APOL5: variants seen among roughly 807,000 people sequenced by gnomAD.
APOL5 encodes apolipoprotein L, 5.
APOL5 carries 29 observed loss-of-function variants against 35.5 expected under a neutral mutation model. That is an observed-to-expected ratio of 0.82 (90% CI 0.61 to 1.11). The LOEUF (loss-of-function observed/expected upper bound fraction) is 1.11. APOL5 is among the 50% of genes most tolerant of loss of function. APOL5 has a pLI of 0.00. For missense variants in APOL5, 514 were observed against 530.4 expected (o/e 0.97, Z 0.30); for synonymous variants, 188 against 200.2 (o/e 0.94, Z 0.51).
Position 35,728,707 on chromosome 22 carries a change from G to T in APOL5, c.1127-16G>T. On this transcript the variant is annotated splice_polypyrimidine_tract_variant and intron_variant, in intron 3 of 4. Transcript: ENST00000249044. ...TTTCTTGGAAGTTGTAAGACACAGG[G>T]ACTCATGTTCCACAGGGTCTCGCTC... 6.2e-7 allele frequency: 1 copy of T among 1,608,792 alleles called. No homozygotes were observed. The highest frequency in any genetic ancestry group is 8.5e-7 in the Non-Finnish European group (1 of 1,178,038).
In APOL5 at chr22:35,726,517, T is replaced by C. The variant is rs762692848; in HGVS notation, c.449T>C (p.Val150Ala). ...VASSSGAVSG[V>A]MNILGLALAP... The stretch of plus-strand genomic sequence containing the variant: ...AGCTCTTCCGGGGCTGTTTCTGGGG[T>C]CATGAACATCCTGGGTTTGGCCCTA... The change falls in exon 3 of 5, where the codon GTC becomes GCC. Residue 150 changes from valine (V) to alanine (A), a missense_variant. By Grantham distance (64) the Val-to-Ala change is moderately conservative. Transcript: ENST00000249044. 1.2e-6 allele frequency: 2 copies of C among 1,614,072 alleles called. No homozygotes were observed. Among genetic ancestry groups the C allele is most frequent in the Non-Finnish European group, 8.5e-7 (1 of 1,180,008 alleles).
intron 1 of APOL5, among the ~76,000 whole-genome samples, chr22:35,719,655 G>A (rs774858789): frequency 1.3e-5 from 2 of 152,216 alleles, no homozygotes; most frequent in African/African-American, 4.8e-5. Context: ...GGTGCCCTGC[G>A]GCTCAAACCC....
At chr22:35,714,247 G>A (rs1330631850), upstream of APOL5, among the ~76,000 whole-genome samples, 5 of 152,210 alleles carry the variant, frequency 3.3e-5, no homozygotes, top group African/African-American at 4.8e-5. Flanking sequence ...GGGCGGCGGA[G>A]GTTGCAGTGA....
upstream of APOL5, chr22:35,717,767 A>AAAAATAAAAG: frequency 2.2e-6 from 1 of 461,054 alleles, no homozygotes; most frequent in Non-Finnish European, 3.1e-6. Context: ...AGAAAAGAAA[A>AAAAATAAAAG]GAAAAAAAAA....
chr22:35,728,963 T>G, intron 4 of APOL5, 59 bp downstream of exon 4: 6 of 1,418,376 alleles, frequency 4.2e-6, no homozygotes, highest in Non-Finnish European at 5.6e-6. Flanking sequence ...AAGTAACCCC[T>G]CCTTGGGTGG....
upstream of APOL5, among the ~76,000 whole-genome samples, chr22:35,715,865 A>G (rs1457543802): frequency 2.0e-5 from 3 of 152,212 alleles, no homozygotes; most frequent in Non-Finnish European, 4.4e-5. Context: ...CACTGTACCT[A>G]TCTATGTAGA....
At chr22:35,728,687 T>C (rs917453500) in intron 3 of APOL5, 36 bp from the exon 4 acceptor site, 1 of 1,594,568 alleles carries the variant, frequency 6.3e-7, no homozygotes, top group South Asian at 1.2e-5. Context: ...ATCTCTTTCT[T>C]GGAAGTTGTA....
chr22:35,721,920 C>A (rs1926983709), intron 2 of APOL5, among the ~76,000 whole-genome samples: 2 of 152,190 alleles, frequency 1.3e-5, no homozygotes, highest in Non-Finnish European at 2.9e-5. Context: ...TTATAGCAAC[C>A]AAATGCCTAA....
chr22:35,711,619 C>CTTCT, the APOL5 span, among the ~76,000 whole-genome samples: 1 of 144,452 alleles, frequency 6.9e-6, no homozygotes, highest in African/African-American at 2.6e-5. Flanking sequence ...TCCTTCCTTC[C>CTTCT]TTCCTTCCTT....
At chr22:35,713,217 T>C (rs1926641594), upstream of APOL5, among the ~76,000 whole-genome samples, 1 of 152,242 alleles carries the variant, frequency 6.6e-6, no homozygotes, top group African/African-American at 2.4e-5. Flanking sequence ...CTCTAATAGA[T>C]GGTATTTGCT....
Position 35,720,574 on chromosome 22 carries a change from G to A in APOL5, c.62G>A (p.Gly21Glu), listed in dbSNP as rs569886157. The A allele has an allele frequency of 1.9e-6, 3 of 1,614,148 alleles. No individual in the cohort carries two copies. The highest frequency in any genetic ancestry group is 2.7e-5 in the African/African-American group (2 of 75,042). ...GATCCTTGTCCATCTCCAGGCTTGG[G>A]AGAAGGTTGTAAAGAAATGTGGCTT... ...VPGSKVLPGL[G>E]EGCKEMWLRK... The change falls in exon 2 of 5, where the codon GGA becomes GAA. Residue 21 changes from glycine to glutamate, a missense_variant. Gly to Glu is a moderately conservative substitution (Grantham distance 98). Transcript: ENST00000249044.
chr22:35,718,885 C>T (rs1274464398), intron 1 of APOL5, among the ~76,000 whole-genome samples: 2 of 151,910 alleles, frequency 1.3e-5, no homozygotes, highest in Non-Finnish European at 2.9e-5. Context: ...TGGTGAAACC[C>T]CCATCTCTAC....
chr22:35,717,222 CAAAA>C (rs71322978), upstream of APOL5, among the ~76,000 whole-genome samples: 1 of 66,886 alleles, frequency 1.5e-5, no homozygotes. Flanking sequence ...TCCATCTCTA[CAAAA>C]AAAAAAAAAA....
chr22:35,726,172 G>A, intron 2 of APOL5, 39 bp from the exon 3 acceptor site: 1 of 1,585,376 alleles, frequency 6.3e-7, no homozygotes. Context: ...TCTGCCTCCT[G>A]CACACATTTT....
Position 35,726,844 on chromosome 22 carries a change from T to C in APOL5, c.776T>C (p.Val259Ala). 1 of 1,614,194 alleles carries C rather than the reference T, an allele frequency of 6.2e-7. No individual in the cohort carries two copies. The highest frequency in any genetic ancestry group is 8.5e-7 in the Non-Finnish European group (1 of 1,180,026). ...AKSNSGFMAM[V>A]KNFVAKRHIP... ...TCCAACTCTGGCTTCATGGCTATGG[T>C]CAAGAATTTTGTGGCCAAGAGACAC... Residue 259 changes from valine to alanine, a missense_variant, in exon 3 of 5, where the codon GTC (valine) becomes GCC (alanine). Around this residue, in one of 3 missense-constraint regions of APOL5, gnomAD observed 238 missense variants for 229.1 expected, o/e 1.04. Coordinates refer to ENST00000249044, the MANE Select transcript of APOL5 (RefSeq NM_030642.1).
the APOL5 span, among the ~76,000 whole-genome samples, chr22:35,711,381 A>T: frequency 6.6e-6 from 1 of 152,240 alleles, no homozygotes; most frequent in South Asian, 2.1e-4. Context: ...CCTGCTTTCA[A>T]TTCTCTTGGG....
intron 2 of APOL5, among the ~76,000 whole-genome samples, chr22:35,722,620 C>G (rs1448648703): frequency 1.3e-5 from 2 of 152,086 alleles, no homozygotes; most frequent in Non-Finnish European, 2.9e-5. Flanking sequence ...TACCCTAACT[C>G]CACCACTAAC....
rs947413937 is a variant in APOL5, at chr22:35,718,061, G to A, written c.55+135G>A. 2.9e-5 allele frequency: 17 copies of A among 586,232 alleles called. No individual in the cohort carries two copies. In the Middle Eastern group the frequency reaches 1.5e-3, roughly 53 times the overall value. 36.3% of individuals were successfully genotyped at this position (586,232 alleles called of 1,614,324 possible). A position where few individuals can be genotyped will look rare whatever the true frequency, so the allele number is the denominator to read the frequency against. On this transcript the variant is annotated intron_variant, in intron 1 of 4. Coordinates refer to ENST00000249044, the MANE Select transcript of APOL5 (RefSeq NM_030642.1). ...CTGGGTGGAGATATAGCAGATCCTT[G>A]GTTTTAATGAGGGAGATATCATGAG...
rs529242063 is a variant in APOL5 at position 35,718,946 on chromosome 22, C to T, written c.55+1020C>T. On this transcript the variant is annotated intron_variant, in intron 1 of 4. Transcript: ENST00000249044. ...TGGTGGTGCGCACCTATAATTGCAA[C>T]AACTCGGGAGGCTGAGACAGGAGAA... Among the ~76,000 whole-genome samples the T allele has an allele frequency of 1.8e-4, 28 of 151,996 alleles. No homozygotes were observed. In the South Asian group the frequency reaches 5.4e-3, roughly 29 times the overall value.
Sources: allele counts gnomAD v4.1 joint callset (sites outside exome capture counted in the v4.1 genomes callset), GRCh38; gene constraint gnomAD v4.1.1; regional missense constraint gnomAD v4.1.1; transcripts MANE v1.5; gene names NCBI Gene and HGNC (gene_info 2026-07-23, HGNC 2026-07-21).